The following NOTCH2 variants were observed in gnomAD, a reference collection of about 807,000 sequenced individuals.
NOTCH2 encodes the protein neurogenic locus notch homolog protein 2.
A neutral mutation model predicts 235.8 loss-of-function variants in NOTCH2; 29 were observed. The observed-to-expected ratio is 0.12, with a 90% CI of 0.09 to 0.17. NOTCH2 has a LOEUF of 0.17. Ranked by LOEUF, NOTCH2 falls within the 10% of genes least tolerant of loss-of-function variation. The probability of loss-of-function intolerance (pLI) is 1.00; values close to 1 mark genes in which losing one functional copy is unlikely to be tolerated. For synonymous variants in NOTCH2, 1,086 were observed against 1,141.5 expected (o/e 0.95, Z 0.98); for missense variants, 2,285 against 3,150.2 (o/e 0.73, Z 6.57).
intron 4 of NOTCH2, chr1:119,996,606 C>G (rs1261213850): frequency 1.2e-6 from 1 of 813,880 alleles, no homozygotes; most frequent in African/African-American, 1.7e-5. Context: ...TGATCACCTA[C>G]TGTTAATGTC....
rs1405521298 is a variant in NOTCH2 at position 119,916,517 on chromosome 1, G to A, written c.6205C>T (p.Pro2069Ser). 1.2e-6 allele frequency: 2 copies of A among 1,612,686 alleles called. No homozygotes were observed. Among genetic ancestry groups the A allele is most frequent in the Non-Finnish European group, 1.7e-6 (2 of 1,178,730 alleles). Residue 2069 changes from proline (P) to serine (S), a missense_variant, in exon 34 of 34, where the codon CCA becomes TCA. Around this residue, in one of 6 missense-constraint regions of NOTCH2, gnomAD observed 504 missense variants for 538.0 expected, o/e 0.94. Transcript: ENST00000256646. ...VRLLDEYNVT[P>S]SPPGTVLTSA... Reference sequence around the variant, plus strand: ...GTCAACACGGTGCCTGGAGGGCTTGGGGTCACATTGTATTCATCCAGAAGG... The same window carrying A: ...GTCAACACGGTGCCTGGAGGGCTTGAGGTCACATTGTATTCATCCAGAAGG...
At chr1:119,917,493 T>C (rs1649127910) in intron 33 of NOTCH2, among the ~76,000 whole-genome samples, 172 bp downstream of exon 33, 1 of 152,210 alleles carries the variant, frequency 6.6e-6, no homozygotes, top group Non-Finnish European at 1.5e-5. Flanking sequence ...TCCTGACACA[T>C]GCCTGGACAA....
At chr1:119,986,907 C>T in intron 5 of NOTCH2, 53 bp downstream of exon 5, 1 of 1,612,370 alleles carries the variant, frequency 6.2e-7, no homozygotes, top group Non-Finnish European at 8.5e-7. Context: ...AACAGTCTGC[C>T]TCTGGTTACC....
intron 1 of NOTCH2, among the ~76,000 whole-genome samples, chr1:120,059,181 G>A (rs1200232508): frequency 8.4e-5 from 11 of 131,094 alleles, no homozygotes; most frequent in East Asian, 2.2e-4. Context: ...AAAAAAAAAA[G>A]AAAATATTGT....
intron 26 of NOTCH2, among the ~76,000 whole-genome samples, chr1:119,923,093 T>C (rs904468330): frequency 3.3e-5 from 5 of 152,228 alleles, no homozygotes; most frequent in African/African-American, 9.6e-5. Flanking sequence ...GTGGTCTTCT[T>C]CCACTCTTTC....
At chr1:119,982,509 G>C (rs1651848451) in intron 5 of NOTCH2, among the ~76,000 whole-genome samples, 1 of 152,176 alleles carries the variant, frequency 6.6e-6, no homozygotes, top group African/African-American at 2.4e-5. Flanking sequence ...AATCTACACT[G>C]CTCTAATAAA....
rs2101162623 is a variant in NOTCH2 at position 119,925,623 on chromosome 1, T to A, written c.4193A>T (p.Tyr1398Phe). 6.2e-7 allele frequency: 1 copy of A among 1,609,626 alleles called. No individual in the cohort carries two copies. Among genetic ancestry groups the A allele is most frequent in the South Asian group, 1.1e-5 (1 of 90,844 alleles). ...GAATGGTGGGGCACACTGGCAGGAGTAATAAGGAGGCTGGCGCTGAGGGTG... is the reference window on the plus strand; with the variant it reads ...GAATGGTGGGGCACACTGGCAGGAGAAATAAGGAGGCTGGCGCTGAGGGTG... ...SCHPQRQPPYYSCQCAPPFSG... is the reference protein window; with the variant it reads ...SCHPQRQPPYFSCQCAPPFSG... Residue 1398 changes from tyrosine (Y) to phenylalanine (F), a missense_variant, in exon 25 of 34, where the codon TAC becomes TTC. By Grantham distance (22) the Tyr-to-Phe change is conservative. Around this residue, in one of 6 missense-constraint regions of NOTCH2, gnomAD observed 1,173 missense variants for 1,515.3 expected, o/e 0.77. Coordinates refer to ENST00000256646, the MANE Select transcript of NOTCH2 (RefSeq NM_024408.4).
intron 21 of NOTCH2, 25 bp downstream of exon 21, chr1:119,937,257 A>G (rs1649887746): frequency 6.2e-7 from 1 of 1,611,424 alleles, no homozygotes; most frequent in Non-Finnish European, 8.5e-7. Flanking sequence ...GAGGTCCATG[A>G]CCTCTGCTTG....
chr1:120,028,839 A>G (rs1393600370), intron 2 of NOTCH2, among the ~76,000 whole-genome samples: 2 of 150,004 alleles, frequency 1.3e-5, no homozygotes, highest in Non-Finnish European at 3.0e-5. Context: ...TTATTTCTCC[A>G]GCATCTTCCC....
At chr1:119,938,156 T>A in intron 19 of NOTCH2, 146 bp from the exon 20 acceptor site, 2 of 860,362 alleles carry the variant, frequency 2.3e-6, no homozygotes, top group Non-Finnish European at 3.7e-6. Flanking sequence ...GCCCTTAAAC[T>A]AGATTCAGTG....
At chr1:120,039,575 A>AT (rs1270712046) in intron 1 of NOTCH2, among the ~76,000 whole-genome samples, 4 of 150,358 alleles carry the variant, frequency 2.7e-5, no homozygotes, top group Admixed American at 6.6e-5. Context: ...CATCCGGCTA[A>AT]TTTTTTTTGT....
intron 1 of NOTCH2, among the ~76,000 whole-genome samples, chr1:120,058,327 A>C (rs1384569789): frequency 6.6e-6 from 1 of 150,980 alleles, no homozygotes; most frequent in Non-Finnish European, 1.5e-5. Flanking sequence ...AACATAGAGA[A>C]ACCCCGTCTC....
Position 119,997,250 on chromosome 1 carries a change from G to C in NOTCH2, c.498C>G (p.Phe166Leu). 30 of 1,614,016 alleles carry C rather than the reference G, an allele frequency of 1.9e-5. No homozygotes were observed. Among genetic ancestry groups the C allele is most frequent in the Non-Finnish European group, 2.5e-5 (29 of 1,179,860 alleles). ...GSTCTTVANQFSCKCLTGFTG... is the reference protein window; with the variant it reads ...GSTCTTVANQLSCKCLTGFTG... ...TGAAGCCTGTGAGGCATTTGCAGGA[G>C]AACTGGTTGGCCACAGTGGTACAGG... The change falls in exon 4 of 34, where the codon TTC becomes TTG. Residue 166 changes from phenylalanine to leucine, a missense_variant. Physicochemically the swap from Phe to Leu is conservative, Grantham distance 22 (BLOSUM62 0). Coordinates refer to ENST00000256646, the MANE Select transcript of NOTCH2 (RefSeq NM_024408.4).
Position 120,000,507 on chromosome 1 carries a change from T to C in NOTCH2, c.416-3175A>G, listed in dbSNP as rs1336504614. ...CGAGATTGTGCCCTGCACTCCAGCC[T>C]GGACGACAAAGCAATACTCCATCTC... On this transcript the variant is annotated intron_variant, in intron 3 of 33. Coordinates refer to ENST00000256646, the MANE Select transcript of NOTCH2 (RefSeq NM_024408.4). 4.8e-5 allele frequency among the ~76,000 whole-genome samples: 6 copies of C among 126,110 alleles called. No homozygotes were observed. In the Admixed American group the frequency reaches 5.5e-4, roughly 11 times the overall value. 82.7% of individuals were successfully genotyped at this position (126,110 alleles called of 152,430 possible).
intron 22 of NOTCH2, among the ~76,000 whole-genome samples, chr1:119,933,449 G>A (rs976305193): frequency 2.0e-5 from 3 of 152,192 alleles, no homozygotes; most frequent in Non-Finnish European, 2.9e-5. Context: ...GGAACTGTAA[G>A]TAGGATAAAC....
At chr1:119,979,453 C>T (rs1466635190) in intron 5 of NOTCH2, among the ~76,000 whole-genome samples, 1 of 152,112 alleles carries the variant, frequency 6.6e-6, no homozygotes, top group African/African-American at 2.4e-5. Context: ...GAGATTAATT[C>T]GTGACCCAAG....
chr1:119,922,170 A>G, intron 28 of NOTCH2, 66 bp downstream of exon 28: 1 of 1,505,838 alleles, frequency 6.6e-7, no homozygotes, highest in South Asian at 1.1e-5. Flanking sequence ...ATGATTCAAC[A>G]AGATATGCTT....
intron 27 of NOTCH2, 88 bp from the exon 28 acceptor site, chr1:119,922,534 C>T: frequency 6.2e-7 from 1 of 1,600,142 alleles, no homozygotes; most frequent in Non-Finnish European, 8.5e-7. Flanking sequence ...GCAACTTTGA[C>T]CTCAACAGTC....
intron 1 of NOTCH2, among the ~76,000 whole-genome samples, chr1:120,040,764 G>A (rs201273081): frequency 4.7e-5 from 7 of 149,142 alleles, no homozygotes; most frequent in East Asian, 2.0e-4. Flanking sequence ...ACGGCCAGGC[G>A]CGGTGGCTCA....
Sources: gnomAD v4.1 joint callset for allele counts (sites outside exome capture counted in the v4.1 genomes callset) on GRCh38, gnomAD v4.1.1 for gene constraint, gnomAD v4.1.1 regional missense constraint, MANE v1.5 for transcripts, NCBI Gene and HGNC (gene_info 2026-07-23, HGNC 2026-07-21) for gene names.